Variants in EEA1 observed in about 807,000 individuals in gnomAD.
EEA1 encodes early endosome antigen 1.
EEA1 carries 111 observed loss-of-function variants against 209.2 expected under a neutral mutation model. The ratio of observed to expected loss-of-function variants is 0.53; its 90% CI spans 0.45 to 0.62. The LOEUF is 0.62. Among genes scored for constraint, EEA1 ranks in the 20% least tolerant of loss-of-function variants. The probability of loss-of-function intolerance (pLI) is 0.00; values close to 1 mark genes in which losing one functional copy is unlikely to be tolerated. For missense variants in EEA1, 1,343 were observed against 1,530.8 expected (o/e 0.88, Z 2.05); for synonymous variants, 536 against 540.6 (o/e 0.99, Z 0.12).
At chr12:92,895,029 A>T (rs1456669478) in intron 1 of EEA1, among the ~76,000 whole-genome samples, 10 of 152,150 alleles carry the variant, frequency 6.6e-5, no homozygotes, top group Non-Finnish European at 1.2e-4. Context: ...ACCGTTCTGA[A>T]ATTCCTAGGA....
At chr12:92,836,399 C>A (rs887539772) in intron 10 of EEA1, among the ~76,000 whole-genome samples, 12 of 152,056 alleles carry the variant, frequency 7.9e-5, no homozygotes, top group Admixed American at 6.6e-4. Flanking sequence ...ATTCTTACAG[C>A]GACAATTTCC....
chr12:92,873,201 G>A (rs187207608), intron 2 of EEA1, among the ~76,000 whole-genome samples: 1 of 152,236 alleles, frequency 6.6e-6, no homozygotes, highest in African/African-American at 2.4e-5. Flanking sequence ...TTCTTCTAGA[G>A]TTTTTGTGTA....
chr12:92,858,012 A>G (rs1434944903), intron 3 of EEA1: 1 of 351,550 alleles, frequency 2.8e-6, no homozygotes, highest in Non-Finnish European at 5.3e-6. Context: ...CAACTTGCGC[A>G]TTTCGCAGCT....
At chr12:92,867,573 A>T (rs1056959229) in intron 2 of EEA1, among the ~76,000 whole-genome samples, 95 of 152,284 alleles carry the variant, frequency 6.2e-4, no homozygotes, top group African/African-American at 2.0e-3. Flanking sequence ...AATAAATAAA[A>T]AAACTGCTCC....
chr12:92,778,760 C>T (rs974279470), intron 25 of EEA1, among the ~76,000 whole-genome samples: 3 of 152,014 alleles, frequency 2.0e-5, no homozygotes, highest in Non-Finnish European at 2.9e-5. Context: ...GTTTCCGCTC[C>T]CCCTTATCAA....
chr12:92,866,146 C>G (rs1878383490), intron 2 of EEA1, among the ~76,000 whole-genome samples: 1 of 122,426 alleles, frequency 8.2e-6, no homozygotes, highest in Non-Finnish European at 1.6e-5. Flanking sequence ...GAGCCAAGAT[C>G]ATGTCACTGT....
At chr12:92,787,592 T>C (rs916332437) in intron 22 of EEA1, among the ~76,000 whole-genome samples, 8 of 152,102 alleles carry the variant, frequency 5.3e-5, no homozygotes, top group African/African-American at 1.9e-4. Context: ...TTTAAAGTTA[T>C]TCACACACAA....
chr12:92,863,235 C>G (rs551727038), intron 3 of EEA1, among the ~76,000 whole-genome samples: 1 of 152,340 alleles, frequency 6.6e-6, no homozygotes, highest in South Asian at 2.1e-4. Flanking sequence ...CTTTCCTATA[C>G]TAATCCACTA....
chr12:92,796,932 A>G (rs1874678464), intron 21 of EEA1, among the ~76,000 whole-genome samples: 1 of 152,234 alleles, frequency 6.6e-6, no homozygotes, highest in African/African-American at 2.4e-5. Flanking sequence ...ATGACCAGTA[A>G]GTTAATGTGT....
At chr12:92,852,879 A>C in intron 7 of EEA1, 33 bp downstream of exon 7, 1 of 1,503,332 alleles carries the variant, frequency 6.7e-7, no homozygotes, top group Non-Finnish European at 9.2e-7. Context: ...AATGAGATTG[A>C]TTTATTGGCT....
intron 3 of EEA1, chr12:92,858,640 G>T: frequency 1.4e-6 from 1 of 735,560 alleles, no homozygotes. Flanking sequence ...TCAAGTTACT[G>T]TGCACTATAT....
intron 25 of EEA1, among the ~76,000 whole-genome samples, chr12:92,778,873 C>CA (rs1379613379): frequency 2.6e-5 from 4 of 151,804 alleles, no homozygotes; most frequent in African/African-American, 4.8e-5. Context: ...ACTTAAAAAA[C>CA]AAAAAAAATT....
intron 11 of EEA1, among the ~76,000 whole-genome samples, chr12:92,829,339 A>C (rs1049433258): frequency 6.6e-6 from 1 of 152,144 alleles, no homozygotes; most frequent in African/African-American, 2.4e-5. Context: ...AGAAAGCATA[A>C]ATGCTAAATT....
At chr12:92,834,411 G>T (rs778900958) in intron 10 of EEA1, among the ~76,000 whole-genome samples, 1 of 151,834 alleles carries the variant, frequency 6.6e-6, no homozygotes, top group East Asian at 1.9e-4. Context: ...CAGGCATGGC[G>T]GTATGCACCT....
At chr12:92,885,052 A>G (rs932394554) in intron 2 of EEA1, among the ~76,000 whole-genome samples, 1 of 151,902 alleles carries the variant, frequency 6.6e-6, no homozygotes, top group Non-Finnish European at 1.5e-5. Context: ...GTGCAAAGAA[A>G]AAAGAATACT....
chr12:92,818,074 T>C (rs1009605912), intron 14 of EEA1, among the ~76,000 whole-genome samples: 2 of 152,224 alleles, frequency 1.3e-5, no homozygotes, highest in African/African-American at 4.8e-5. Context: ...AACTTGGCAT[T>C]GAACAAAGCC....
intron 17 of EEA1, 131 bp downstream of exon 17, chr12:92,811,148 T>C (rs529161979): frequency 5.2e-6 from 3 of 581,206 alleles, no homozygotes; most frequent in Admixed American, 8.4e-5. Flanking sequence ...TTACAAGCAA[T>C]TTTTTAAAAA....
intron 7 of EEA1, 71 bp from the exon 8 acceptor site, chr12:92,852,367 T>G: frequency 9.4e-7 from 1 of 1,068,758 alleles, no homozygotes; most frequent in Non-Finnish European, 1.3e-6. Flanking sequence ...TATATTACTC[T>G]GCATATCTGT....
intron 17 of EEA1, among the ~76,000 whole-genome samples, chr12:92,810,432 T>G (rs1311234803): frequency 6.6e-6 from 1 of 152,114 alleles, no homozygotes; most frequent in East Asian, 1.9e-4. Flanking sequence ...ATGCCTAAAG[T>G]ACCTTGCCTT....
Sources: gnomAD v4.1 joint callset for allele counts (sites outside exome capture counted in the v4.1 genomes callset) on GRCh38, gnomAD v4.1.1 for gene constraint, MANE v1.5 for transcripts, NCBI Gene and HGNC (gene_info 2026-07-23, HGNC 2026-07-21) for gene names.